NUP98: variants seen among roughly 807,000 people sequenced by gnomAD.
The protein encoded by NUP98 is nuclear pore complex protein Nup98-Nup96.
A neutral mutation model predicts 191.9 loss-of-function variants in NUP98; 26 were observed. The observed-to-expected ratio is 0.14, with a 90% CI of 0.10 to 0.19. NUP98 has a LOEUF of 0.19. Ranked by LOEUF, NUP98 falls within the 10% of genes least tolerant of loss-of-function variation. NUP98 has a pLI of 1.00. For synonymous variants in NUP98, 808 were observed against 778.4 expected (o/e 1.04, Z -0.63); for missense variants, 1,941 against 2,178.8 (o/e 0.89, Z 2.17).
chr11:3,703,051 T>G (rs1344841027), intron 22 of NUP98, among the ~76,000 whole-genome samples, 159 bp from the exon 23 acceptor site: 8 of 152,178 alleles, frequency 5.3e-5, no homozygotes, highest in Non-Finnish European at 2.9e-5. Context: ...AGTCAGATTT[T>G]GCAGAAATTA....
At chr11:3,770,469 A>G (rs1426291959) in intron 7 of NUP98, among the ~76,000 whole-genome samples, 3 of 151,828 alleles carry the variant, frequency 2.0e-5, no homozygotes, top group African/African-American at 7.2e-5. Context: ...CGGGAGTAAG[A>G]CCCTAAAACC....
chr11:3,780,904 A>G (rs1312141457), intron 2 of NUP98, among the ~76,000 whole-genome samples: 1 of 151,656 alleles, frequency 6.6e-6, no homozygotes, highest in African/African-American at 2.4e-5. Flanking sequence ...ACATGGTGAA[A>G]CCCCATCCCT....
intron 8 of NUP98, 114 bp from the exon 9 acceptor site, chr11:3,763,153 C>G: frequency 1.1e-6 from 1 of 886,528 alleles, no homozygotes; most frequent in Non-Finnish European, 1.7e-6. Flanking sequence ...AGATATTAGG[C>G]TAAATAACTT....
At chr11:3,771,493 C>A (rs1008617701) in intron 7 of NUP98, among the ~76,000 whole-genome samples, 2 of 152,166 alleles carry the variant, frequency 1.3e-5, no homozygotes, top group African/African-American at 4.8e-5. Context: ...GAAATCTGTA[C>A]AACTTGCTCC....
intron 31 of NUP98, among the ~76,000 whole-genome samples, chr11:3,678,457 C>T (rs1342920332): frequency 6.6e-6 from 1 of 152,172 alleles, no homozygotes; most frequent in Non-Finnish European, 1.5e-5. Context: ...GAATAAGTAA[C>T]TACAATATGG....
At position 3,770,972 on chromosome 11, in the gene NUP98, C is replaced by G. The variant is rs150578043; in HGVS notation, c.784+776G>C. Among the ~76,000 whole-genome samples the G allele has an allele frequency of 4.9e-3, 745 of 152,252 alleles. 5 individuals carry two copies. Among genetic ancestry groups the G allele is most frequent in the Middle Eastern group, 0.01 (3 of 294 alleles). ...CTGCCTCCCAGGTTCAAGCGATTCT[C>G]CTGCCTCAGCCTCCCAAGTAGTTGG... On this transcript the variant is annotated intron_variant, in intron 7 of 32. Transcript: ENST00000324932.
chr11:3,754,700 G>A (rs1042926431), intron 10 of NUP98, among the ~76,000 whole-genome samples: 6 of 152,110 alleles, frequency 3.9e-5, no homozygotes, highest in African/African-American at 1.4e-4. Flanking sequence ...CCAGCACTCT[G>A]GGAGGCCAAG....
intron 10 of NUP98, among the ~76,000 whole-genome samples, chr11:3,754,799 G>A (rs539976161): frequency 6.6e-6 from 1 of 151,968 alleles, no homozygotes; most frequent in African/African-American, 2.4e-5. Context: ...CAAATTAGCT[G>A]GGTGTGGTGG....
chr11:3,737,686 A>G (rs2080120960), intron 12 of NUP98, among the ~76,000 whole-genome samples: 1 of 152,134 alleles, frequency 6.6e-6, no homozygotes, highest in Non-Finnish European at 1.5e-5. Flanking sequence ...ATGAAAAAGA[A>G]GAGTCAAAGG....
At chr11:3,757,390 G>A (rs1009595334) in intron 10 of NUP98, among the ~76,000 whole-genome samples, 2 of 152,000 alleles carry the variant, frequency 1.3e-5, no homozygotes, top group African/African-American at 4.8e-5. Context: ...AGGAGGCTGA[G>A]GTGGGAGGAT....
chr11:3,710,930 C>T (rs2079008895), intron 20 of NUP98, among the ~76,000 whole-genome samples: 1 of 152,210 alleles, frequency 6.6e-6, no homozygotes, highest in African/African-American at 2.4e-5. Flanking sequence ...ATTTCCACTT[C>T]CTCAGTCAAA....
At chr11:3,777,981 GA>G (rs1428070713) in intron 4 of NUP98, among the ~76,000 whole-genome samples, 2 of 151,800 alleles carry the variant, frequency 1.3e-5, no homozygotes, top group Non-Finnish European at 2.9e-5. Context: ...GATGGAACAC[GA>G]GGTCAGGAGA....
At chr11:3,733,120 G>T (rs2079907474) in intron 13 of NUP98, among the ~76,000 whole-genome samples, 1 of 152,164 alleles carries the variant, frequency 6.6e-6, no homozygotes, top group African/African-American at 2.4e-5. Context: ...TTACAAGGTT[G>T]TGCAACCATC....
chr11:3,745,301 T>C (rs1447634399), intron 11 of NUP98, among the ~76,000 whole-genome samples: 2 of 152,224 alleles, frequency 1.3e-5, no homozygotes, highest in Non-Finnish European at 2.9e-5. Context: ...CTTTCAATTA[T>C]ACCATCTCAT....
intron 4 of NUP98, among the ~76,000 whole-genome samples, chr11:3,777,927 G>A (rs1322870095): frequency 1.3e-5 from 2 of 151,690 alleles, no homozygotes; most frequent in African/African-American, 2.4e-5. Flanking sequence ...GGCCAGGCGC[G>A]GTGGCTCACA....
intron 29 of NUP98, among the ~76,000 whole-genome samples, chr11:3,684,554 T>C (rs887567964): frequency 6.6e-6 from 1 of 152,150 alleles, no homozygotes; most frequent in African/African-American, 2.4e-5. Flanking sequence ...TCTTTTACCA[T>C]GTGAAATCCT....
rs186308409 is a variant in NUP98, at chr11:3,767,334, T to A, written c.948+1247A>T. Among the ~76,000 whole-genome samples, 54 of 152,036 alleles carry A rather than the reference T, an allele frequency of 3.6e-4. 1 individual carries two copies. In the East Asian group the frequency reaches 0.01, roughly 28 times the overall value. The stretch of plus-strand genomic sequence containing the variant: ...ATGGCGGTACAAGCATACTTTTTTT[T>A]TTATTTTTTTTGGGATGAAGTCTCT... On this transcript the variant is annotated intron_variant, in intron 8 of 32. Transcript: ENST00000324932.
At chr11:3,792,816 T>TG (rs1293065994) in intron 1 of NUP98, among the ~76,000 whole-genome samples, 1 of 152,160 alleles carries the variant, frequency 6.6e-6, no homozygotes, top group Non-Finnish European at 1.5e-5. Flanking sequence ...CATACTGTAA[T>TG]GAACCTTTAA....
In NUP98 at chr11:3,725,083, C is replaced by T. The variant is rs1200704187; in HGVS notation, c.1847+20G>A. 1 of 1,116,682 alleles carries T rather than the reference C, an allele frequency of 9.0e-7. No individual in the cohort carries two copies. Among genetic ancestry groups the T allele is most frequent in the African/African-American group, 1.5e-5 (1 of 64,526 alleles). 69.2% of individuals were successfully genotyped at this position (1,116,682 alleles called of 1,614,324 possible). On this transcript the variant is annotated intron_variant, in intron 15 of 32. Transcript: ENST00000324932. ...CTATAACTCTCTACTAAGAAGAACT[C>T]AAAACAGAATTCAGTGTACCTCTCT...
Sources: allele counts gnomAD v4.1 joint callset (sites outside exome capture counted in the v4.1 genomes callset), GRCh38; gene constraint gnomAD v4.1.1; transcripts MANE v1.5; gene names NCBI Gene and HGNC (gene_info 2026-07-23, HGNC 2026-07-21).